The following ARHGAP42 variants were observed in gnomAD, a reference collection of about 807,000 sequenced individuals.
ARHGAP42 encodes Rho GTPase activating protein 42.
Under a neutral mutation model 125.0 loss-of-function variants are expected in ARHGAP42, and 63 were observed. The ratio of observed to expected loss-of-function variants is 0.50; its 90% CI spans 0.41 to 0.62. The LOEUF (loss-of-function observed/expected upper bound fraction) is 0.62, where lower values mean the gene tolerates loss of function less well. ARHGAP42 is among the 20% of genes least tolerant of loss of function. The pLI is 0.00. For synonymous variants in ARHGAP42, 339 were observed against 351.0 expected (o/e 0.97, Z 0.38); for missense variants, 766 against 1,024.2 (o/e 0.75, Z 3.44).
chr11:100,899,681 T>C (rs1357522839), intron 4 of ARHGAP42, among the ~76,000 whole-genome samples: 1 of 148,830 alleles, frequency 6.7e-6, no homozygotes, highest in African/African-American at 2.5e-5. Context: ...TTTTGTTTGT[T>C]TGTTTGTTTG....
At chr11:100,777,775 A>G (rs921097467) in intron 2 of ARHGAP42, among the ~76,000 whole-genome samples, 2 of 152,246 alleles carry the variant, frequency 1.3e-5, no homozygotes, top group Non-Finnish European at 2.9e-5. Context: ...AACAAATTCA[A>G]TGATTAAATT....
chr11:100,830,941 C>T (rs1228300311), intron 3 of ARHGAP42, among the ~76,000 whole-genome samples: 1 of 151,868 alleles, frequency 6.6e-6, no homozygotes, highest in Non-Finnish European at 1.5e-5. Context: ...TCTTAAAATA[C>T]CGTGAGTAAT....
chr11:100,753,195 A>G (rs909062272), intron 1 of ARHGAP42, among the ~76,000 whole-genome samples: 1 of 152,050 alleles, frequency 6.6e-6, no homozygotes, highest in Non-Finnish European at 1.5e-5. Flanking sequence ...CGCTGGGGTG[A>G]TGTTCCAGGA....
chr11:100,790,172 A>G (rs771178384), intron 2 of ARHGAP42, among the ~76,000 whole-genome samples: 2 of 152,206 alleles, frequency 1.3e-5, no homozygotes, highest in Admixed American at 1.3e-4. Context: ...TGCTAAAAAG[A>G]TTAATCTACA....
In ARHGAP42 at chr11:100,717,818, C is replaced by T. The variant is rs1016095193; in HGVS notation, c.154+29986C>T. 4.0e-5 allele frequency among the ~76,000 whole-genome samples: 6 copies of T among 149,032 alleles called. No homozygotes were observed. In the East Asian group the frequency reaches 6.1e-4, roughly 15 times the overall value. On this transcript the variant is annotated intron_variant, in intron 1 of 23. Transcript: ENST00000298815. ...GCACACACCTGTCATCCCAGCTACTCGGGAGGCTGAGGCAGGAGAATGGCT... is the reference window on the plus strand; with the variant it reads ...GCACACACCTGTCATCCCAGCTACTTGGGAGGCTGAGGCAGGAGAATGGCT...
At position 100,891,997 on chromosome 11, in the gene ARHGAP42, T is replaced by C. The variant is rs191578086; in HGVS notation, c.385-21455T>C. The stretch of plus-strand genomic sequence containing the variant: ...TAGTAGGCAAAAGATTGTAATGGTA[T>C]GTGAGAAGAACTTCAAGCACATTGG... On this transcript the variant is annotated intron_variant, in intron 4 of 23. Transcript: ENST00000298815. 2.6e-5 allele frequency among the ~76,000 whole-genome samples: 4 copies of C among 152,230 alleles called. No homozygotes were observed. The East Asian group carries it at 7.7e-4, about 29-fold the overall frequency.
chr11:100,707,792 A>G (rs1326192160), intron 1 of ARHGAP42, among the ~76,000 whole-genome samples: 1 of 152,176 alleles, frequency 6.6e-6, no homozygotes, highest in Non-Finnish European at 1.5e-5. Flanking sequence ...ATGACTGTGG[A>G]CCTGCTGCAA....
At chr11:100,862,749 G>C (rs1323568020) in intron 4 of ARHGAP42, among the ~76,000 whole-genome samples, 1 of 152,002 alleles carries the variant, frequency 6.6e-6, no homozygotes, top group Non-Finnish European at 1.5e-5. Context: ...AAGCATGTTC[G>C]GCTGGGTGTG....
rs199943651 is a variant in ARHGAP42, at chr11:100,820,913, C to CT, written c.312+25759dup. On this transcript the variant is annotated intron_variant, in intron 3 of 23. Transcript: ENST00000298815. ...CGACCGGAAATGTTTTAAGATAAAA[C>CT]TTTTTTTTTTTTAAATTAACTGTGG... 8.2e-3 allele frequency among the ~76,000 whole-genome samples: 1,166 copies of CT among 141,440 alleles called. 9 individuals carry two copies. Among genetic ancestry groups the CT allele is most frequent in the Admixed American group, 0.012 (167 of 14,396 alleles). 92.8% of individuals were successfully genotyped at this position (141,440 alleles called of 152,430 possible).
chr11:100,851,096 G>T (rs1865194494), intron 3 of ARHGAP42, among the ~76,000 whole-genome samples: 1 of 151,762 alleles, frequency 6.6e-6, no homozygotes, highest in Non-Finnish European at 1.5e-5. Context: ...TGGCCAGGCT[G>T]GTCTTAAACT....
chr11:100,886,771 A>G (rs1866102150), intron 4 of ARHGAP42, among the ~76,000 whole-genome samples: 1 of 152,238 alleles, frequency 6.6e-6, no homozygotes, highest in Non-Finnish European at 1.5e-5. Context: ...AAATGTTTGC[A>G]AGATTCCAAT....
In ARHGAP42 at chr11:100,903,235, A is replaced by C. The variant is rs77602314; in HGVS notation, c.385-10217A>C. On this transcript the variant is annotated intron_variant, in intron 4 of 23. Transcript: ENST00000298815. ...AAAGCAGTATTATATGTAATATAAT[A>C]TAAAAATTTAATTTCTACTGCTATT... Among the ~76,000 whole-genome samples the C allele has an allele frequency of 7.2e-3, 1,096 of 152,194 alleles. 18 individuals carry two copies. Among genetic ancestry groups the C allele is most frequent in the African/African-American group, 0.025 (1,025 of 41,510 alleles).
At chr11:100,738,843 G>T (rs1415976461) in intron 1 of ARHGAP42, among the ~76,000 whole-genome samples, 3 of 152,174 alleles carry the variant, frequency 2.0e-5, no homozygotes, top group Non-Finnish European at 4.4e-5. Flanking sequence ...AAAACAAACT[G>T]TGCCCGTTGC....
At chr11:100,887,377 T>A (rs1866118005) in intron 4 of ARHGAP42, among the ~76,000 whole-genome samples, 1 of 152,168 alleles carries the variant, frequency 6.6e-6, no homozygotes, top group African/African-American at 2.4e-5. Flanking sequence ...AACTAACCAA[T>A]GAGGTCTAAT....
At chr11:100,917,520 C>T (rs967349921) in intron 5 of ARHGAP42, among the ~76,000 whole-genome samples, 2 of 152,064 alleles carry the variant, frequency 1.3e-5, no homozygotes, top group Non-Finnish European at 2.9e-5. Flanking sequence ...TTTGCTCCTA[C>T]CTCTCATTTT....
intron 17 of ARHGAP42, among the ~76,000 whole-genome samples, chr11:100,968,848 T>G (rs1858165022): frequency 6.6e-6 from 1 of 152,148 alleles, no homozygotes; most frequent in Admixed American, 6.6e-5. Context: ...ATTATTAAAA[T>G]TGCATTTTAA....
At chr11:100,754,668 A>G (rs1477239120) in intron 1 of ARHGAP42, among the ~76,000 whole-genome samples, 1 of 152,222 alleles carries the variant, frequency 6.6e-6, no homozygotes, top group African/African-American at 2.4e-5. Context: ...CTTTAGTTCC[A>G]GTATAATGCT....
intron 2 of ARHGAP42, among the ~76,000 whole-genome samples, chr11:100,778,999 C>T (rs570120618): frequency 6.6e-6 from 1 of 152,242 alleles, no homozygotes; most frequent in African/African-American, 2.4e-5. Context: ...AAGTTTTACT[C>T]ATATTCCTAT....
chr11:100,771,300 A>G (rs1400626913), intron 2 of ARHGAP42, among the ~76,000 whole-genome samples: 1 of 152,154 alleles, frequency 6.6e-6, no homozygotes, highest in African/African-American at 2.4e-5. Flanking sequence ...AGGTCGTGTT[A>G]TATGAACTCT....
Sources: allele counts gnomAD v4.1 joint callset (sites outside exome capture counted in the v4.1 genomes callset), GRCh38; gene constraint gnomAD v4.1.1; transcripts MANE v1.5; gene names NCBI Gene and HGNC (gene_info 2026-07-23, HGNC 2026-07-21).